PROSER2: variants seen among roughly 807,000 people sequenced by gnomAD.
PROSER2 encodes proline and serine rich 2.
In PROSER2, 18 loss-of-function variants were observed where a neutral mutation model predicts 14.6. That is an observed-to-expected ratio of 1.23 (90% CI 0.85 to 1.83). The LOEUF (loss-of-function observed/expected upper bound fraction) is 1.83. PROSER2 is among the 40% of genes most tolerant of loss of function. PROSER2 has a pLI of 0.00. For synonymous variants in PROSER2, 367 were observed against 286.4 expected, an observed-to-expected ratio of 1.28 and a Z score of -2.84; for missense variants, 823 against 629.8, an observed-to-expected ratio of 1.31 and a Z score of -3.28.
chr10:11,869,561 C>T lies in PROSER2; in HGVS notation c.463C>T (p.Pro155Ser). 2 of 1,613,072 alleles carry T rather than the reference C, an allele frequency of 1.2e-6. No homozygotes were observed. Among genetic ancestry groups the T allele is most frequent in the Non-Finnish European group, 1.7e-6 (2 of 1,179,166 alleles). ...TCCTCCACCTCCAGACCCCCCGGCTCCCGAGACCCTTCTTGCGCCACCACC... is the reference window on the plus strand; with the variant it reads ...TCCTCCACCTCCAGACCCCCCGGCTTCCGAGACCCTTCTTGCGCCACCACC... Reference protein sequence around the residue: ...ETPPPPDPPAPETLLAPPPLP... With the variant: ...ETPPPPDPPASETLLAPPPLP... The change falls in exon 4 of 4, where the codon CCC becomes TCC. Residue 155 changes from proline to serine, a missense_variant. Transcript: ENST00000277570. The surrounding 1 kb of genome is among the most constrained non-coding windows in gnomAD (Gnocchi z 4.4).
chr10:11,825,407 T>A (rs1833597596), intron 1 of PROSER2, among the ~76,000 whole-genome samples: 1 of 152,198 alleles, frequency 6.6e-6, no homozygotes, highest in Non-Finnish European at 1.5e-5. Context: ...TTCACTTTCC[T>A]TTGCACTTGG....
chr10:11,863,432 GGAGGCT>G (rs1453877505), intron 2 of PROSER2, among the ~76,000 whole-genome samples: 2 of 152,056 alleles, frequency 1.3e-5, no homozygotes, highest in Admixed American at 6.6e-5. Context: ...CAGCATCTCT[GGAGGCT>G]GAGGCAGGAG....
chr10:11,833,235 C>CTTTTTTTTTTTTTTTTTTTTTTTTTTTTT lies in PROSER2; in HGVS notation c.-82+9786_-82+9787insTTTTTTTTTTTTTTTTTTTTTTTTTTTTT, dbSNP rs5783233. ...ACAAGTATTATACAAAATGTTGTGG[C>CTTTTTTTTTTTTTTTTTTTTTTTTTTTTT]TTTTTTTTTTTTTTTTTTTTTAGTT... On this transcript the variant is annotated intron_variant, in intron 1 of 3. Coordinates refer to ENST00000277570, the MANE Select transcript of PROSER2 (RefSeq NM_153256.4). Among the ~76,000 whole-genome samples, 3 of 87,668 alleles carry CTTTTTTTTTTTTTTTTTTTTTTTTTTTTT rather than the reference C, an allele frequency of 3.4e-5. 1 individual carries two copies. The highest frequency in any genetic ancestry group is 2.0e-5 in the Non-Finnish European group (1 of 50,390). 57.5% of individuals were successfully genotyped at this position (87,668 alleles called of 152,430 possible).
In PROSER2 at chr10:11,837,585, T is replaced by C. The variant is rs955865409; in HGVS notation, c.-82+14115T>C. 6.6e-6 allele frequency among the ~76,000 whole-genome samples: 1 copy of C among 152,212 alleles called. No homozygotes were observed. Among genetic ancestry groups the C allele is most frequent in the African/African-American group, 2.4e-5 (1 of 41,456 alleles). On this transcript the variant is annotated intron_variant, in intron 1 of 3. Coordinates refer to ENST00000277570, the MANE Select transcript of PROSER2 (RefSeq NM_153256.4). The surrounding 1 kb of genome is among the most constrained non-coding windows in gnomAD (Gnocchi z 4.6). Reference sequence around the variant, plus strand: ...TGCAATGGCAATGAGTTGCGTAACATAGACATACTAAGCAAGATTGGTTCT... The same window carrying C: ...TGCAATGGCAATGAGTTGCGTAACACAGACATACTAAGCAAGATTGGTTCT...
chr10:11,856,690 C>A lies in PROSER2; in HGVS notation c.138+4475C>A, dbSNP rs971634760. On this transcript the variant is annotated intron_variant, in intron 2 of 3. Coordinates refer to ENST00000277570, the MANE Select transcript of PROSER2 (RefSeq NM_153256.4). This position sits in a 1 kb window ranked among gnomAD's most constrained non-coding sequence, Gnocchi z 5.3. The stretch of plus-strand genomic sequence containing the variant: ...GTGCTGTGGCCCTGAAGTCACACAG[C>A]GGTCTGTGACCAGGCAGCCGGCAGC... 6.6e-6 allele frequency among the ~76,000 whole-genome samples: 1 copy of A among 152,254 alleles called. No homozygotes were observed. Among genetic ancestry groups the A allele is most frequent in the African/African-American group, 2.4e-5 (1 of 41,466 alleles).
chr10:11,855,248 C>G (rs910136047), intron 2 of PROSER2, among the ~76,000 whole-genome samples: 3 of 149,360 alleles, frequency 2.0e-5, no homozygotes, highest in African/African-American at 7.4e-5. Flanking sequence ...CCAAGGCAGG[C>G]GGATCACGAG....
chr10:11,868,811 C>G (rs759830996), intron 3 of PROSER2, among the ~76,000 whole-genome samples: 6 of 152,132 alleles, frequency 3.9e-5, no homozygotes, highest in Non-Finnish European at 8.8e-5. Context: ...CCACCACGCC[C>G]AGCTAATTGT....
Position 11,853,963 on chromosome 10 carries a change from G to A in PROSER2, c.138+1748G>A, listed in dbSNP as rs566863871. Among the ~76,000 whole-genome samples, 45 of 152,254 alleles carry A rather than the reference G, an allele frequency of 3.0e-4. No homozygotes were observed. In the South Asian group the frequency reaches 5.8e-3, roughly 20 times the overall value. On this transcript the variant is annotated intron_variant, in intron 2 of 3. Coordinates refer to ENST00000277570, the MANE Select transcript of PROSER2 (RefSeq NM_153256.4). The stretch of plus-strand genomic sequence containing the variant: ...GATGTCTCTCTGTCTGTTCCCTGCC[G>A]TGCCTGTCCCTGTATATCATAGGGT...
chr10:11,863,544 A>C (rs1029463746), intron 2 of PROSER2, among the ~76,000 whole-genome samples: 1 of 114,104 alleles, frequency 8.8e-6, no homozygotes, highest in Non-Finnish European at 2.0e-5. Flanking sequence ...TCCCCCCCAC[A>C]AAAAAAAAAA....
At chr10:11,826,202 G>A (rs371330696) in intron 1 of PROSER2, among the ~76,000 whole-genome samples, 3 of 152,090 alleles carry the variant, frequency 2.0e-5, no homozygotes, top group African/African-American at 4.8e-5. Context: ...GGCGTGTATC[G>A]TTGCTTCCCT....
At position 11,869,999 on chromosome 10, in the gene PROSER2, G is replaced by T; in HGVS notation, c.901G>T (p.Asp301Tyr). The T allele has an allele frequency of 1.6e-6, 2 of 1,256,140 alleles. No individual in the cohort carries two copies. The highest frequency in any genetic ancestry group is 2.0e-6 in the Non-Finnish European group (2 of 1,002,906). 77.8% of individuals were successfully genotyped at this position (1,256,140 alleles called of 1,614,324 possible). ...CGCCGGCGCCTTCCCCGCCGCGGGGGACGCCGGCGAGGGGGCCCCAGGGGG... is the reference window on the plus strand; with the variant it reads ...CGCCGGCGCCTTCCCCGCCGCGGGGTACGCCGGCGAGGGGGCCCCAGGGGG... ...GHAGAFPAAGDAGEGAPGGGS... is the reference protein window; with the variant it reads ...GHAGAFPAAGYAGEGAPGGGS... The change falls in exon 4 of 4, where the codon GAC becomes TAC. Residue 301 changes from aspartate (D) to tyrosine (Y), a missense_variant. Coordinates refer to ENST00000277570, the MANE Select transcript of PROSER2 (RefSeq NM_153256.4). This position sits in a 1 kb window ranked among gnomAD's most constrained non-coding sequence, Gnocchi z 4.4.
intron 1 of PROSER2, among the ~76,000 whole-genome samples, chr10:11,843,054 C>T (rs1378336937): frequency 2.0e-5 from 3 of 148,978 alleles, no homozygotes; most frequent in African/African-American, 7.4e-5. Context: ...CATTCTCCTG[C>T]CTCAGCCTCC....
intron 1 of PROSER2, chr10:11,831,727 T>A (rs1306177406): frequency 6.6e-6 from 1 of 152,178 alleles, no homozygotes; most frequent in African/African-American, 2.4e-5. Flanking sequence ...GAGATTTTAC[T>A]TTAGGAAAAT....
chr10:11,870,165 C>T lies in PROSER2; in HGVS notation c.1067C>T (p.Pro356Leu), dbSNP rs1176124743. 15 of 1,474,718 alleles carry T rather than the reference C, an allele frequency of 1.0e-5. No individual in the cohort carries two copies. Among genetic ancestry groups the T allele is most frequent in the Middle Eastern group, 2.3e-4 (1 of 4,402 alleles). The allele number at this position is 1,474,718 out of a possible 1,614,324, so 91.4% of individuals were successfully genotyped here. A position where few individuals can be genotyped will look rare whatever the true frequency, so the allele number is the denominator to read the frequency against. The change falls in exon 4 of 4, where the codon CCC (proline) becomes CTC (leucine). Residue 356 changes from proline to leucine, a missense_variant. By Grantham distance (98) the Pro-to-Leu change is moderately conservative (BLOSUM62 -3). Coordinates refer to ENST00000277570, the MANE Select transcript of PROSER2 (RefSeq NM_153256.4). Reference protein sequence around the residue: ...PSAHEALKSAPSSFAPAGKSL... With the variant: ...PSAHEALKSALSSFAPAGKSL... Reference sequence around the variant, plus strand: ...GCGCACGAGGCCCTGAAGAGCGCACCCAGCTCCTTCGCGCCCGCTGGGAAG... The same window carrying T: ...GCGCACGAGGCCCTGAAGAGCGCACTCAGCTCCTTCGCGCCCGCTGGGAAG...
intron 1 of PROSER2, among the ~76,000 whole-genome samples, chr10:11,845,318 T>TC (rs1833907441): frequency 6.6e-6 from 1 of 152,168 alleles, no homozygotes; most frequent in Admixed American, 6.5e-5. Context: ...CCCACAGCCT[T>TC]TTAACTACGG....
rs144441653 is a variant in PROSER2, at chr10:11,868,800, G to A, written c.392-690G>A. Among the ~76,000 whole-genome samples, 712 of 152,166 alleles carry A rather than the reference G, an allele frequency of 4.7e-3. 5 individuals carry two copies. The highest frequency in any genetic ancestry group is 0.016 in the African/African-American group (663 of 41,484). On this transcript the variant is annotated intron_variant, in intron 3 of 3. Coordinates refer to ENST00000277570, the MANE Select transcript of PROSER2 (RefSeq NM_153256.4). ...AGAGTAGCTGGGACTATAGGCACAC[G>A]CCACCACGCCCAGCTAATTGTTGTA... is the stretch of plus-strand genomic sequence containing the variant.
At chr10:11,867,133 C>T (rs1232669729) in intron 3 of PROSER2, among the ~76,000 whole-genome samples, 7 of 152,026 alleles carry the variant, frequency 4.6e-5, no homozygotes, top group South Asian at 4.2e-4. Context: ...GGCATGGTGA[C>T]GGGTGCCTGT....
At chr10:11,826,424 C>T (rs186171370) in intron 1 of PROSER2, among the ~76,000 whole-genome samples, 2 of 152,304 alleles carry the variant, frequency 1.3e-5, no homozygotes, top group African/African-American at 4.8e-5. Flanking sequence ...TATGGTAATT[C>T]TGTGATTAAC....
chr10:11,855,486 A>G (rs1041655246), intron 2 of PROSER2, among the ~76,000 whole-genome samples: 20 of 151,808 alleles, frequency 1.3e-4, no homozygotes, highest in African/African-American at 3.9e-4. Flanking sequence ...AAAAAAAAAA[A>G]AAAAGAAAAA....
Sources: allele counts gnomAD v4.1 joint callset (sites outside exome capture counted in the v4.1 genomes callset), GRCh38; gene constraint gnomAD v4.1.1; non-coding constraint Gnocchi (gnomAD v3.1); transcripts MANE v1.5; gene names NCBI Gene and HGNC (gene_info 2026-07-23, HGNC 2026-07-21).